SLC38A6: variants seen among roughly 807,000 people sequenced by gnomAD.
SLC38A6 encodes solute carrier family 38 member 6.
In SLC38A6, 73 loss-of-function variants were observed where a neutral mutation model predicts 65.0. The observed-to-expected ratio is 1.12, with a 90% CI of 0.93 to 1.37. The LOEUF is 1.37. Ranked by LOEUF, SLC38A6 falls within the 40% of genes most tolerant of loss-of-function variation. SLC38A6 has a pLI of 0.00. For missense variants in SLC38A6, 561 were observed against 531.1 expected (o/e 1.06, Z -0.55); for synonymous variants, 183 against 178.8 (o/e 1.02, Z -0.19).
chr14:61,018,244 G>T (rs1400870923), intron 4 of SLC38A6, among the ~76,000 whole-genome samples: 1 of 152,082 alleles, frequency 6.6e-6, no homozygotes, highest in Non-Finnish European at 1.5e-5. Context: ...CTGACAGTAG[G>T]TATCATTTGT....
At chr14:61,030,387 T>G in intron 5 of SLC38A6, 58 bp from the exon 6 acceptor site, 1 of 1,308,134 alleles carries the variant, frequency 7.6e-7, no homozygotes, top group Non-Finnish European at 1.1e-6. Context: ...GATGGATTAT[T>G]GTTTAAATGG....
intron 3 of SLC38A6, among the ~76,000 whole-genome samples, chr14:61,012,014 G>C (rs1041605208): frequency 6.6e-6 from 1 of 152,096 alleles, no homozygotes; most frequent in Non-Finnish European, 1.5e-5. Context: ...ATCTGGTCCT[G>C]GACTTTTTTT....
chr14:61,054,466 A>G (rs116135194), downstream of SLC38A6, among the ~76,000 whole-genome samples: 2,603 of 152,272 alleles, frequency 0.017, 71 homozygotes, highest in African/African-American at 0.06. Flanking sequence ...GCTTTAGCCA[A>G]TATGGCCATT....
intron 12 of SLC38A6, among the ~76,000 whole-genome samples, chr14:61,049,961 C>A (rs2042407445): frequency 6.6e-6 from 1 of 152,128 alleles, no homozygotes; most frequent in Non-Finnish European, 1.5e-5. Context: ...TAACACTTCT[C>A]TTTTTTTCAT....
intron 10 of SLC38A6, 49 bp from the exon 11 acceptor site, chr14:61,045,297 T>C (rs374253278): frequency 3.8e-4 from 453 of 1,176,958 alleles, no homozygotes; most frequent in Non-Finnish European, 5.0e-4. Flanking sequence ...AAATAATGGT[T>C]TCAGTAGAGT....
chr14:60,981,807 A>C (rs1346487255), intron 1 of SLC38A6: 3 of 1,036,674 alleles, frequency 2.9e-6, no homozygotes, highest in Admixed American at 2.4e-5. Context: ...AAACATTTTA[A>C]TACAGAAATT....
At chr14:61,013,159 T>G (rs549636282) in intron 3 of SLC38A6, among the ~76,000 whole-genome samples, 50 of 152,242 alleles carry the variant, frequency 3.3e-4, no homozygotes, top group Admixed American at 1.5e-3. Context: ...TGTCTCTTTT[T>G]ATCTTTGTTG....
intron 8 of SLC38A6, among the ~76,000 whole-genome samples, chr14:61,040,011 A>G (rs1197888273): frequency 6.6e-6 from 1 of 152,156 alleles, no homozygotes; most frequent in Non-Finnish European, 1.5e-5. Flanking sequence ...CTGTCTCAGA[A>G]TGATACCATC....
intron 15 of SLC38A6, among the ~76,000 whole-genome samples, chr14:61,069,992 C>A (rs1440715305): frequency 6.6e-6 from 1 of 152,154 alleles, no homozygotes; most frequent in African/African-American, 2.4e-5. Flanking sequence ...ACATGAAATC[C>A]TTTGCCCCTT....
At chr14:61,026,485 C>G (rs757151973) in intron 5 of SLC38A6, among the ~76,000 whole-genome samples, 8 of 152,018 alleles carry the variant, frequency 5.3e-5, no homozygotes, top group Non-Finnish European at 8.8e-5. Context: ...AATGAAAATT[C>G]TAAGTGTTAC....
chr14:61,014,041 C>A (rs527860579), intron 3 of SLC38A6, among the ~76,000 whole-genome samples: 1 of 152,182 alleles, frequency 6.6e-6, no homozygotes, highest in African/African-American at 2.4e-5. Flanking sequence ...TAGATTTGGT[C>A]TTTTCACATA....
Position 61,046,102 on chromosome 14 carries a change from C to T in SLC38A6, c.860C>T (p.Thr287Ile), listed in dbSNP as rs1264326319. Residue 287 changes from threonine (T) to isoleucine (I), a missense_variant, in exon 12 of 16, where the codon ACA becomes ATA. By Grantham distance (89) the Thr-to-Ile change is moderately conservative. Coordinates refer to ENST00000267488, the MANE Select transcript of SLC38A6 (RefSeq NM_153811.3). The part of the protein sequence containing the change: ...SKKRMQNVTN[T>I]AIALSFLIYF... ...AAAAGAATGCAGAATGTTACCAATA[C>T]AGCAATTGCTTTAAGTTTTCTCATT... 1.1e-5 allele frequency: 18 copies of T among 1,611,468 alleles called. No homozygotes were observed. The highest frequency in any genetic ancestry group is 2.7e-5 in the African/African-American group (2 of 74,874).
intron 7 of SLC38A6, 142 bp from the exon 8 acceptor site, chr14:61,037,483 T>A (rs1156278820): frequency 3.2e-6 from 2 of 624,664 alleles, no homozygotes; most frequent in Non-Finnish European, 5.6e-6. Context: ...CTGTGACAGA[T>A]AGTTGGAATG....
intron 15 of SLC38A6, among the ~76,000 whole-genome samples, chr14:61,077,106 A>G (rs913444169): frequency 8.5e-5 from 13 of 152,208 alleles, no homozygotes; most frequent in Non-Finnish European, 1.8e-4. Context: ...TAAATTGATT[A>G]AGGATATTAA....
chr14:61,053,865 C>T (rs2042615253), downstream of SLC38A6, among the ~76,000 whole-genome samples: 1 of 151,946 alleles, frequency 6.6e-6, no homozygotes, highest in Non-Finnish European at 1.5e-5. Flanking sequence ...TGCAGAAGCT[C>T]TTAAGTTTAA....
At chr14:61,043,928 T>A (rs370830896) in intron 10 of SLC38A6, among the ~76,000 whole-genome samples, 1 of 152,194 alleles carries the variant, frequency 6.6e-6, no homozygotes, top group Non-Finnish European at 1.5e-5. Context: ...ATCATTGGAC[T>A]AGGGATTGAG....
intron 6 of SLC38A6, among the ~76,000 whole-genome samples, chr14:61,033,008 T>G (rs1252504408): frequency 6.6e-6 from 1 of 151,978 alleles, no homozygotes; most frequent in African/African-American, 2.4e-5. Context: ...AGTCAGAAGC[T>G]ATAATACTTA....
chr14:61,007,734 A>T (rs2039256952), intron 3 of SLC38A6, among the ~76,000 whole-genome samples: 1 of 152,238 alleles, frequency 6.6e-6, no homozygotes, highest in East Asian at 1.9e-4. Flanking sequence ...TGCTCTGGAG[A>T]CTTGGTTCAT....
At chr14:61,025,402 G>A (rs2040551307) in intron 5 of SLC38A6, among the ~76,000 whole-genome samples, 2 of 152,066 alleles carry the variant, frequency 1.3e-5, no homozygotes, top group Non-Finnish European at 2.9e-5. Context: ...AACTAGGATT[G>A]GGCGCGCAGA....
Sources: allele counts gnomAD v4.1 joint callset (sites outside exome capture counted in the v4.1 genomes callset), GRCh38; gene constraint gnomAD v4.1.1; transcripts MANE v1.5; gene names NCBI Gene and HGNC (gene_info 2026-07-23, HGNC 2026-07-21).